MED16: variants seen among roughly 807,000 people sequenced by gnomAD.
The protein encoded by MED16 is mediator complex subunit 16, also known as mediator of RNA polymerase II transcription subunit 16.
A neutral mutation model predicts 84.4 loss-of-function variants in MED16; 81 were observed. That is an observed-to-expected ratio of 0.96 (90% CI 0.80 to 1.15). MED16 has a LOEUF of 1.15. Among genes scored for constraint, MED16 ranks in the 50% most tolerant of loss-of-function variants. The pLI, the probability that MED16 is intolerant of heterozygous loss-of-function variation, is 0.00. For synonymous variants in MED16, 897 were observed against 552.2 expected (o/e 1.62, Z -8.76); for missense variants, 1,585 against 1,245.9 (o/e 1.27, Z -4.10).
chr19:889,324 C>G (rs1365798077), intron 4 of MED16, among the ~76,000 whole-genome samples: 1 of 152,156 alleles, frequency 6.6e-6, no homozygotes, highest in African/African-American at 2.4e-5. Flanking sequence ...CATGCAGCTA[C>G]CTAAGGACAG....
chr19:884,108 GC>G (rs1642310278), intron 6 of MED16, among the ~76,000 whole-genome samples: 1 of 152,160 alleles, frequency 6.6e-6, no homozygotes, highest in African/African-American at 2.4e-5. Flanking sequence ...TGCCCCACGT[GC>G]CCCCACGTCT....
At chr19:874,274 C>T (rs998677449) in intron 10 of MED16, among the ~76,000 whole-genome samples, 14 of 152,098 alleles carry the variant, frequency 9.2e-5, no homozygotes, top group South Asian at 6.2e-4. Flanking sequence ...CCACCACGCC[C>T]GGCTGATTTT....
At chr19:872,198 A>AC in intron 11 of MED16, 80 bp from the exon 12 acceptor site, 1 of 1,263,178 alleles carries the variant, frequency 7.9e-7, no homozygotes, top group Non-Finnish European at 1.1e-6. Context: ...GGTCGGTGGA[A>AC]CCCCGACCGG....
At chr19:878,057 G>A (rs58690545) in intron 8 of MED16, among the ~76,000 whole-genome samples, 9,717 of 59,942 alleles carry the variant, frequency 0.16, 1,160 homozygotes, top group East Asian at 0.6. Flanking sequence ...CCAGCAGCTC[G>A]CCTTCCCCTG....
chr19:875,489 G>A (rs747216565), intron 9 of MED16, 35 bp from the exon 10 acceptor site: 19 of 1,538,166 alleles, frequency 1.2e-5, no homozygotes, highest in East Asian at 1.2e-4. Context: ...CCAAGGGGCC[G>A]GAGCAGAGGC....
At position 889,735 on chromosome 19, in the gene MED16, C is replaced by T. The variant is rs748584744; in HGVS notation, c.350G>A (p.Ser117Asn). ...TAGGCTGCCCACTGAGCTCTCCCAG[C>T]TATTAGCCAGGTGGTCCGCCATGCT... Reference protein sequence around the residue: ...CWSMADHLANSWESSVGSLVE... With the variant: ...CWSMADHLANNWESSVGSLVE... The change falls in exon 4 of 16, where the codon AGC (serine) becomes AAC (asparagine). Residue 117 changes from serine (S) to asparagine (N), a missense_variant. Coordinates refer to ENST00000325464, the MANE Select transcript of MED16 (RefSeq NM_005481.3). The T allele has an allele frequency of 6.2e-7, 1 of 1,613,712 alleles. No homozygotes were observed. The highest frequency in any genetic ancestry group is 8.5e-7 in the Non-Finnish European group (1 of 1,179,928).
chr19:884,938 G>A lies in MED16; in HGVS notation c.950C>T (p.Pro317Leu). The part of the protein sequence containing the change: ...ECWSLRKEGL[P>L]VNNIFQQISP... ...GATCTGCTGGAAGATGTTGTTCACG[G>A]GGAGTCCCTCCTTGCGCAGGGACCA... Residue 317 changes from proline to leucine, a missense_variant, in exon 6 of 16, where the codon CCC (proline) becomes CTC (leucine). By Grantham distance (98) the Pro-to-Leu change is moderately conservative (BLOSUM62 -3). Transcript: ENST00000325464. 1 of 1,609,866 alleles carries A rather than the reference G, an allele frequency of 6.2e-7. No individual in the cohort carries two copies. Among genetic ancestry groups the A allele is most frequent in the African/African-American group, 1.3e-5 (1 of 75,036 alleles).
chr19:877,243 G>C, intron 8 of MED16, 63 bp from the exon 9 acceptor site: 1 of 1,513,774 alleles, frequency 6.6e-7, no homozygotes, highest in African/African-American at 1.4e-5. Context: ...GCCGGGAGAG[G>C]AATGGGGCCC....
chr19:889,523 G>C (rs1221205328), intron 4 of MED16, 115 bp downstream of exon 4: 17 of 1,294,200 alleles, frequency 1.3e-5, no homozygotes, highest in Non-Finnish European at 1.7e-5. Context: ...TGGGAGCCAA[G>C]TGCAAGGTCC....
intron 8 of MED16, among the ~76,000 whole-genome samples, chr19:878,091 G>C: frequency 8.8e-6 from 1 of 114,226 alleles, no homozygotes; most frequent in Non-Finnish European, 1.7e-5. Flanking sequence ...CCCAGCCCCA[G>C]CCCCAGCGCC....
intron 4 of MED16, among the ~76,000 whole-genome samples, chr19:889,175 A>AC (rs369231343): frequency 1.8e-5 from 2 of 110,122 alleles, no homozygotes; most frequent in African/African-American, 7.7e-5. Flanking sequence ...GGCCACGCCT[A>AC]TCTTAACTGT....
At chr19:874,435 T>G (rs1454259073) in intron 10 of MED16, among the ~76,000 whole-genome samples, 1 of 152,124 alleles carries the variant, frequency 6.6e-6, no homozygotes, top group Non-Finnish European at 1.5e-5. Context: ...AGAAACAGCC[T>G]GCCAGGCACA....
At chr19:880,288 C>T in intron 7 of MED16, 140 bp from the exon 8 acceptor site, 1 of 693,854 alleles carries the variant, frequency 1.4e-6, no homozygotes, top group South Asian at 2.2e-5. Context: ...CATCCAGCGC[C>T]CGTGCCCCCA....
chr19:888,620 C>A (rs2036571005), intron 4 of MED16, among the ~76,000 whole-genome samples: 1 of 151,920 alleles, frequency 6.6e-6, no homozygotes, highest in Admixed American at 6.6e-5. Context: ...ACCGTGTGGG[C>A]TGCACACTCT....
intron 8 of MED16, among the ~76,000 whole-genome samples, chr19:877,577 AG>A: frequency 8.1e-6 from 1 of 123,788 alleles, no homozygotes. Context: ...CAGCGCAGGC[AG>A]GGGCTGGCGA....
At chr19:878,650 C>T (rs2036330255) in intron 8 of MED16, among the ~76,000 whole-genome samples, 1 of 146,232 alleles carries the variant, frequency 6.8e-6, no homozygotes, top group African/African-American at 2.5e-5. Flanking sequence ...GCCCCAGCAG[C>T]TCACCTTCCC....
intron 1 of MED16, among the ~76,000 whole-genome samples, chr19:891,962 AGT>A (rs1219092193): frequency 1.8e-5 from 2 of 112,422 alleles, no homozygotes; most frequent in Admixed American, 9.9e-5. Context: ...CCGGGGGCTG[AGT>A]GTGACGGGGA....
At chr19:875,521 GGAGAA>G in intron 9 of MED16, 67 bp from the exon 10 acceptor site, 1 of 1,327,972 alleles carries the variant, frequency 7.5e-7, no homozygotes, top group Non-Finnish European at 1.0e-6. Flanking sequence ...CTCCAGCTGA[GGAGAA>G]GAGCAGTTCG....
In MED16 at chr19:885,820, A is replaced by G. The variant is rs1455674023; in HGVS notation, c.829T>C (p.Phe277Leu). 4 of 1,613,380 alleles carry G rather than the reference A, an allele frequency of 2.5e-6. No individual in the cohort carries two copies. The East Asian group carries it at 6.7e-5, about 27-fold the overall frequency. Residue 277 changes from phenylalanine (F) to leucine (L), a missense_variant, in exon 5 of 16, where the codon TTT becomes CTT. Transcript: ENST00000325464. ...AACTTGAGGTGGGTGATGGCGGGAA[A>G]CTTGTCCTTGCGGTTGAGGTCGGTG... is the stretch of plus-strand genomic sequence containing the variant. Reference protein sequence around the residue: ...CTTDLNRKDKFPAITHLKFLA... With the variant: ...CTTDLNRKDKLPAITHLKFLA...
Sources: gnomAD v4.1 joint callset for allele counts (sites outside exome capture counted in the v4.1 genomes callset) on GRCh38, gnomAD v4.1.1 for gene constraint, MANE v1.5 for transcripts, NCBI Gene and HGNC (gene_info 2026-07-23, HGNC 2026-07-21) for gene names.